Variants in TFAM observed in about 807,000 individuals in gnomAD.
TFAM encodes transcription factor A, mitochondrial.
A neutral mutation model predicts 30.6 loss-of-function variants in TFAM; 13 were observed. The ratio of observed to expected loss-of-function variants is 0.42; its 90% CI spans 0.28 to 0.67. TFAM has a LOEUF of 0.67. Ranked by LOEUF, TFAM falls within the 30% of genes least tolerant of loss-of-function variation. The pLI is 0.21. For missense variants in TFAM, 231 were observed against 293.7 expected, an observed-to-expected ratio of 0.79 and a Z score of 1.56; for synonymous variants, 106 against 94.8, an observed-to-expected ratio of 1.12 and a Z score of -0.69.
rs370384010 is a variant in TFAM at position 58,392,169 on chromosome 10, G to A, written c.537+1309G>A. 4.4e-3 allele frequency among the ~76,000 whole-genome samples: 662 copies of A among 152,160 alleles called. 6 individuals carry two copies. The highest frequency in any genetic ancestry group is 0.043 in the South Asian group (205 of 4,818). The stretch of plus-strand genomic sequence containing the variant: ...TTTGGTTTACTCTGATTCTTGTATA[G>A]CATCTTTCCCAGTAAAGGTGCATGG... On this transcript the variant is annotated intron_variant, in intron 5 of 6. Transcript: ENST00000487519.
intron 5 of TFAM, 125 bp from the exon 6 acceptor site, chr10:58,394,233 A>C (rs1840642508): frequency 1.3e-6 from 1 of 747,376 alleles, no homozygotes; most frequent in Non-Finnish European, 2.4e-6. Context: ...TTAGAGAGAA[A>C]AGATGTTAAG....
At position 58,394,851 on chromosome 10, in the gene TFAM, AAATT is replaced by A. The variant is rs1429790112; in HGVS notation, c.595-72_595-69del. The stretch of plus-strand genomic sequence containing the variant: ...TAAAGTATATACAGAAGCATTCCAG[AAATT>A]AATTGCTATTTTAAATAATCATTTT... On this transcript the variant is annotated intron_variant, in intron 6 of 6. Transcript: ENST00000487519. The A allele has an allele frequency of 7.0e-6, 10 of 1,430,066 alleles. No homozygotes were observed. The Admixed American group carries it at 1.4e-4, about 20-fold the overall frequency. The allele number at this position is 1,430,066 out of a possible 1,614,324, so 88.6% of individuals were successfully genotyped here. A position where few individuals can be genotyped will look rare whatever the true frequency, so the allele number is the denominator to read the frequency against.
intron 4 of TFAM, 103 bp from the exon 5 acceptor site, chr10:58,390,662 A>T: frequency 1.1e-6 from 1 of 892,272 alleles, no homozygotes; most frequent in Non-Finnish European, 1.8e-6. Context: ...ATTCACTTTA[A>T]GGAATAATCT....
At chr10:58,388,121 G>A in intron 2 of TFAM, 69 bp from the exon 3 acceptor site, 1 of 1,244,402 alleles carries the variant, frequency 8.0e-7, no homozygotes, top group Non-Finnish European at 1.2e-6. Flanking sequence ...TGCTTTCCTG[G>A]ATATCTTTAG....
chr10:58,395,562 T>C lies in TFAM; in HGVS notation c.*488T>C, dbSNP rs766788455. The stretch of plus-strand genomic sequence containing the variant: ...GTATAATTCACATTGTATTCAGAGT[T>C]GATGGTTGTACATATAAGTGATTGC... On this transcript the variant is annotated 3_prime_UTR_variant, in exon 7 of 7. Transcript: ENST00000487519. 4.1e-6 allele frequency: 1 copy of C among 245,190 alleles called. No homozygotes were observed. The highest frequency in any genetic ancestry group is 5.2e-5 in the Admixed American group (1 of 19,280). The allele number at this position is 245,190 out of a possible 1,614,324, so 15.2% of individuals were successfully genotyped here.
In TFAM at chr10:58,399,002, A is replaced by G. The variant is rs916574333; in HGVS notation, c.*3928A>G. ...ACTTTAAATTTGTAAAATTTTCCAA[A>G]GTAAAACCATACAAAGCTAGTGTCA... On this transcript the variant is annotated 3_prime_UTR_variant, in exon 7 of 7. Coordinates refer to ENST00000487519, the MANE Select transcript of TFAM (RefSeq NM_003201.3). 4 of 152,250 alleles carry G rather than the reference A, an allele frequency of 2.6e-5. No individual in the cohort carries two copies. Among genetic ancestry groups the G allele is most frequent in the Admixed American group, 2.6e-4 (4 of 15,288 alleles). The allele number at this position is 152,250 out of a possible 1,614,324, so 9.4% of individuals were successfully genotyped here.
At chr10:58,385,720 C>G (rs1439733525) in intron 1 of TFAM, 72 bp downstream of exon 1, 1 of 1,167,898 alleles carries the variant, frequency 8.6e-7, no homozygotes, top group Non-Finnish European at 1.2e-6. Flanking sequence ...TAGACCCTAT[C>G]CTTCACTTTC....
chr10:58,388,172 T>C lies in TFAM; in HGVS notation c.221-18T>C. On this transcript the variant is annotated intron_variant, in intron 2 of 6. Transcript: ENST00000487519. ...GGTAAAATTGTGGCATCTTTTTTCT[T>C]TTTATTTCATTCCATAGATGCAAAA... 1 of 1,610,276 alleles carries C rather than the reference T, an allele frequency of 6.2e-7. No homozygotes were observed. The highest frequency in any genetic ancestry group is 8.5e-7 in the Non-Finnish European group (1 of 1,176,830).
In TFAM at chr10:58,388,273, GTT is replaced by G. The variant is rs1193013011; in HGVS notation, c.291+16_291+17del. On this transcript the variant is annotated intron_variant, in intron 3 of 6. Coordinates refer to ENST00000487519, the MANE Select transcript of TFAM (RefSeq NM_003201.3). Reference sequence around the variant, plus strand: ...TTCAAAGAAAAAAGTAAGCACATAAGTTTTCAACATTGCTGACCAGTTATTCT... The same window carrying G: ...TTCAAAGAAAAAAGTAAGCACATAAGTTCAACATTGCTGACCAGTTATTCT... The G allele has an allele frequency of 6.2e-7, 1 of 1,609,976 alleles. No individual in the cohort carries two copies.
chr10:58,394,662 A>T (rs1470123112), intron 6 of TFAM: 1 of 645,234 alleles, frequency 1.5e-6, no homozygotes, highest in African/African-American at 1.8e-5. Flanking sequence ...TGGCAGTGAT[A>T]CCCTGCTGCT....
Position 58,385,533 on chromosome 10 carries a change from T to C in TFAM, c.-15T>C. ...CCGAGATTGGGGTCGGGTCACTGCC[T>C]CATCCACCGGAGCGATGGCGTTTCT... On this transcript the variant is annotated 5_prime_UTR_variant, in exon 1 of 7. Transcript: ENST00000487519. 1.9e-6 allele frequency: 3 copies of C among 1,553,316 alleles called. No individual in the cohort carries two copies. The highest frequency in any genetic ancestry group is 1.7e-6 in the Non-Finnish European group (2 of 1,146,744).
chr10:58,391,535 A>G (rs961217903), intron 5 of TFAM, among the ~76,000 whole-genome samples: 1 of 152,026 alleles, frequency 6.6e-6, no homozygotes, highest in Non-Finnish European at 1.5e-5. Flanking sequence ...TTCTGTTTCC[A>G]TATCCCTAAA....
Position 58,395,238 on chromosome 10 carries a change from T to C in TFAM, c.*164T>C, listed in dbSNP as rs768126040. On this transcript the variant is annotated 3_prime_UTR_variant, in exon 7 of 7. Coordinates refer to ENST00000487519, the MANE Select transcript of TFAM (RefSeq NM_003201.3). ...GACTTCTGCCAGCATAATACTTGCT[T>C]TGGAAAACCCAGATAAAGGTTCATG... The C allele has an allele frequency of 1.4e-5, 10 of 736,186 alleles. No individual in the cohort carries two copies. Among genetic ancestry groups the C allele is most frequent in the Non-Finnish European group, 2.0e-5 (9 of 447,846 alleles). 45.6% of individuals were successfully genotyped at this position (736,186 alleles called of 1,614,324 possible). A position where few individuals can be genotyped will look rare whatever the true frequency, so the allele number is the denominator to read the frequency against.
At chr10:58,386,583 A>T (rs1259332569) in intron 2 of TFAM, 73 of 1,051,540 alleles carry the variant, frequency 6.9e-5, no homozygotes, top group Non-Finnish European at 9.1e-5. Flanking sequence ...AGGATAAAAA[A>T]GCTGAATTTG....
At chr10:58,393,997 A>C (rs1228615429) in intron 5 of TFAM, among the ~76,000 whole-genome samples, 1 of 152,222 alleles carries the variant, frequency 6.6e-6, no homozygotes, top group Non-Finnish European at 1.5e-5. Flanking sequence ...AGTTCAACTA[A>C]GTAGACTTAC....
intron 3 of TFAM, 43 bp from the exon 4 acceptor site, chr10:58,388,627 G>T (rs772620246): frequency 2.5e-6 from 4 of 1,609,612 alleles, no homozygotes; most frequent in Admixed American, 1.7e-5. Context: ...TGTTGAATTT[G>T]CCAGCAATGG....
chr10:58,387,330 T>C (rs534695542), intron 2 of TFAM, among the ~76,000 whole-genome samples: 1 of 152,292 alleles, frequency 6.6e-6, no homozygotes, highest in Non-Finnish European at 1.5e-5. Flanking sequence ...GAGACATGCT[T>C]AAGTACCCAC....
At chr10:58,387,379 T>A (rs553092683) in intron 2 of TFAM, among the ~76,000 whole-genome samples, 1 of 152,342 alleles carries the variant, frequency 6.6e-6, no homozygotes, top group East Asian at 1.9e-4. Flanking sequence ...CAGGTATTTT[T>A]AAAAATCAAT....
chr10:58,386,545 C>T (rs1313431010), intron 2 of TFAM: 2 of 740,798 alleles, frequency 2.7e-6, no homozygotes, highest in African/African-American at 3.6e-5. Context: ...TTAAAAATAA[C>T]GTATAGTGTA....
Sources: allele counts gnomAD v4.1 joint callset (sites outside exome capture counted in the v4.1 genomes callset), GRCh38; gene constraint gnomAD v4.1.1; transcripts MANE v1.5; gene names NCBI Gene and HGNC (gene_info 2026-07-23, HGNC 2026-07-21).